Variants in TGM4 observed in about 807,000 individuals in gnomAD.
TGM4 encodes the protein transglutaminase 4, also known as protein-glutamine gamma-glutamyltransferase 4.
In TGM4, 61 loss-of-function variants were observed where a neutral mutation model predicts 76.3. That is an observed-to-expected ratio of 0.80 (90% CI 0.65 to 0.99). The LOEUF (loss-of-function observed/expected upper bound fraction) is 0.99. Ranked by LOEUF, TGM4 falls within the 50% of genes least tolerant of loss-of-function variation. The pLI is 0.00. For synonymous variants in TGM4, 337 were observed against 329.8 expected, an observed-to-expected ratio of 1.02 and a Z score of -0.24; for missense variants, 794 against 843.2, an observed-to-expected ratio of 0.94 and a Z score of 0.72.
chr3:44,903,708 C>T (rs908138437), intron 8 of TGM4, 176 bp from the exon 9 acceptor site: 6 of 624,444 alleles, frequency 9.6e-6, no homozygotes, highest in Non-Finnish European at 1.4e-5. Context: ...TTCTGAGAGG[C>T]AGGTGGGACT....
intron 4 of TGM4, among the ~76,000 whole-genome samples, chr3:44,891,360 T>C (rs994369258): frequency 2.0e-5 from 2 of 98,262 alleles, no homozygotes; most frequent in Admixed American, 1.0e-4. Context: ...CAAGGAGCTC[T>C]TTTTTTTTAA....
chr3:44,895,360 C>A (rs184940826), intron 5 of TGM4, among the ~76,000 whole-genome samples: 1 of 152,284 alleles, frequency 6.6e-6, no homozygotes, highest in African/African-American at 2.4e-5. Context: ...GGTATGGAGG[C>A]TCACACCTGT....
intron 1 of TGM4, among the ~76,000 whole-genome samples, chr3:44,879,416 T>G (rs1239270423): frequency 6.7e-6 from 1 of 150,360 alleles, no homozygotes. Flanking sequence ...AAGCAATTCT[T>G]CTGCCTCAGC....
chr3:44,879,669 G>A (rs989663501), intron 1 of TGM4, among the ~76,000 whole-genome samples: 1 of 151,608 alleles, frequency 6.6e-6, no homozygotes, highest in Non-Finnish European at 1.5e-5. Context: ...GTAGAGACGG[G>A]GTTTCACCGT....
At position 44,914,712 on chromosome 3, in the gene TGM4, G is replaced by A. The variant is rs1700060747; in HGVS notation, c.*987G>A. On this transcript the variant is annotated 3_prime_UTR_variant, in exon 14 of 14. Transcript: ENST00000296125. ...GGAATCCTTTGATCTCCCCAGGCAA[G>A]GTGCTCTGAGGAGTTGGCTTCTTTA... is the stretch of plus-strand genomic sequence containing the variant. 6.6e-6 allele frequency: 1 copy of A among 152,138 alleles called. No homozygotes were observed. 9.4% of individuals were successfully genotyped at this position (152,138 alleles called of 1,614,324 possible). A position where few individuals can be genotyped will look rare whatever the true frequency, so the allele number is the denominator to read the frequency against.
chr3:44,896,250 T>G (rs1699776487), intron 5 of TGM4, among the ~76,000 whole-genome samples: 1 of 152,290 alleles, frequency 6.6e-6, no homozygotes, highest in Middle Eastern at 3.4e-3. Context: ...TAGCTGGGAT[T>G]ACAGGCATGC....
rs781106769 is a variant in TGM4 at position 44,907,216 on chromosome 3, G to A, written c.1327+16G>A. 5.0e-6 allele frequency: 8 copies of A among 1,611,596 alleles called. No homozygotes were observed. The East Asian group carries it at 6.7e-5, about 13-fold the overall frequency. On this transcript the variant is annotated intron_variant, in intron 10 of 13. Coordinates refer to ENST00000296125, the MANE Select transcript of TGM4 (RefSeq NM_003241.4). ...TATCCAGAAGGTGCTAGCATCACAGGGCTCCTTCTGACTCAGCCCCTGAGT... is the reference window on the plus strand; with the variant it reads ...TATCCAGAAGGTGCTAGCATCACAGAGCTCCTTCTGACTCAGCCCCTGAGT...
intron 6 of TGM4, chr3:44,900,976 C>G (rs146025343): frequency 6.4e-6 from 1 of 155,676 alleles, no homozygotes; most frequent in Non-Finnish European, 1.4e-5. Flanking sequence ...TAGTGATTCA[C>G]ACCTGTAATC....
In TGM4 at chr3:44,904,050, T is replaced by TGTGG. The variant is rs375409376; in HGVS notation, c.1075+66_1075+69dup. 1.2e-4 allele frequency: 171 copies of TGTGG among 1,465,812 alleles called. No individual in the cohort carries two copies. The African/African-American group carries it at 1.9e-3, about 17-fold the overall frequency. The allele number at this position is 1,465,812 out of a possible 1,614,324, so 90.8% of individuals were successfully genotyped here. On this transcript the variant is annotated intron_variant, in intron 9 of 13. Coordinates refer to ENST00000296125, the MANE Select transcript of TGM4 (RefSeq NM_003241.4). ...GCTCTCCTTACATGGCCCAGGGTTCTGTGGGTCTTGGGTATGCAGCCAAGC... is the reference window on the plus strand; with the variant it reads ...GCTCTCCTTACATGGCCCAGGGTTCTGTGGGTGGGTCTTGGGTATGCAGCCAAGC...
In TGM4 at chr3:44,907,100, A is replaced by T. The variant is rs1447208286; in HGVS notation, c.1227A>T (p.Val409=). 2 of 1,614,148 alleles carry T rather than the reference A, an allele frequency of 1.2e-6. No individual in the cohort carries two copies. The highest frequency in any genetic ancestry group is 1.7e-6 in the Non-Finnish European group (2 of 1,180,018). Residue 409 remains valine, a synonymous_variant, in exon 10 of 14, where the codon GTA becomes GTT. Coordinates refer to ENST00000296125, the MANE Select transcript of TGM4 (RefSeq NM_003241.4). ...KMVNGQEELH[V]ISMETTSIGK... ...TGAATGGGCAGGAGGAGTTACACGT[A>T]ATTTCAATGGAGACCACAAGCATCG...
chr3:44,890,844 GT>G (rs1699683910), intron 4 of TGM4, 112 bp downstream of exon 4: 2 of 1,360,158 alleles, frequency 1.5e-6, no homozygotes, highest in Non-Finnish European at 2.0e-6. Flanking sequence ...TTGCAAACTA[GT>G]TTAAGGGATG....
chr3:44,875,069 T>A (rs770111257), intron 1 of TGM4, among the ~76,000 whole-genome samples: 5 of 152,232 alleles, frequency 3.3e-5, no homozygotes, highest in Non-Finnish European at 7.3e-5. Context: ...GATATTACAT[T>A]ATTAAATATT....
chr3:44,886,035 T>G (rs533650281), intron 2 of TGM4, among the ~76,000 whole-genome samples: 1 of 152,146 alleles, frequency 6.6e-6, no homozygotes, highest in Admixed American at 6.5e-5. Flanking sequence ...TTAATGTTGT[T>G]TTTAAGTTTT....
chr3:44,913,511 C>T (rs1440661304), intron 13 of TGM4, 73 bp from the exon 14 acceptor site: 1 of 1,547,394 alleles, frequency 6.5e-7, no homozygotes, highest in South Asian at 1.3e-5. Flanking sequence ...TGGCTTCTCA[C>T]CCAACTCATC....
chr3:44,910,283 G>A lies in TGM4; in HGVS notation c.1521G>A (p.Leu507=). ...KTAALQNVNI[L]GSFELQLYTG... is the part of the protein sequence containing the mutation. ...CTGCCCTACAGAATGTCAACATCTT[G>A]GGCTCCTTTGAACTACAGTTGTACA... is the stretch of plus-strand genomic sequence containing the variant. The change falls in exon 11 of 14, where the codon TTG becomes TTA. Residue 507 remains leucine, a synonymous_variant. Coordinates refer to ENST00000296125, the MANE Select transcript of TGM4 (RefSeq NM_003241.4). The A allele has an allele frequency of 6.2e-7, 1 of 1,614,124 alleles. No homozygotes were observed. Among genetic ancestry groups the A allele is most frequent in the Non-Finnish European group, 8.5e-7 (1 of 1,180,022 alleles).
In TGM4 at chr3:44,885,350, C is replaced by CT. The variant is rs1218845949; in HGVS notation, c.47dup (p.Leu16PhefsTer54). On this transcript the variant is annotated frameshift_variant, in exon 2 of 14. Coordinates refer to ENST00000296125, the MANE Select transcript of TGM4 (RefSeq NM_003241.4). LOFTEE classifies it high-confidence loss of function. ...AGCTGCAAGTTCTCCACATTGACTTCTTGAATCAGGACAACGCCGTTTCTC... is the reference window on the plus strand; with the variant it reads ...AGCTGCAAGTTCTCCACATTGACTTCTTTGAATCAGGACAACGCCGTTTCTC... The CT allele has an allele frequency of 1.2e-6, 2 of 1,609,960 alleles. No individual in the cohort carries two copies. The highest frequency in any genetic ancestry group is 1.7e-6 in the Non-Finnish European group (2 of 1,176,676).
At chr3:44,905,336 T>A (rs1365211985) in intron 9 of TGM4, among the ~76,000 whole-genome samples, 2 of 151,878 alleles carry the variant, frequency 1.3e-5, no homozygotes, top group Non-Finnish European at 2.9e-5. Context: ...AGAAGGAAAC[T>A]TCGTGTGCCA....
At chr3:44,898,714 C>G (rs1026404580) in intron 6 of TGM4, among the ~76,000 whole-genome samples, 1 of 152,156 alleles carries the variant, frequency 6.6e-6, no homozygotes, top group African/African-American at 2.4e-5. Context: ...TGGCTGTGAG[C>G]CTGTGTCTGT....
intron 2 of TGM4, among the ~76,000 whole-genome samples, chr3:44,886,140 T>C (rs969370299): frequency 9.2e-5 from 14 of 152,172 alleles, no homozygotes; most frequent in African/African-American, 3.1e-4. Context: ...GGTCAGGAGT[T>C]CGAGATCAAC....
Sources: allele counts gnomAD v4.1 joint callset (sites outside exome capture counted in the v4.1 genomes callset), GRCh38; gene constraint gnomAD v4.1.1; transcripts MANE v1.5; gene names NCBI Gene and HGNC (gene_info 2026-07-23, HGNC 2026-07-21).